GSDMC: variants seen among roughly 807,000 people sequenced by gnomAD.
GSDMC encodes gasdermin-C.
Under a neutral mutation model 58.0 loss-of-function variants are expected in GSDMC, and 59 were observed. The ratio of observed to expected loss-of-function variants is 1.02; its 90% confidence interval spans 0.82 to 1.26. GSDMC has a LOEUF of 1.26. GSDMC is among the 50% of genes most tolerant of loss of function. The pLI is 0.00. For missense variants in GSDMC, 659 were observed against 598.5 expected (o/e 1.10, Z -1.06); for synonymous variants, 241 against 220.2 (o/e 1.09, Z -0.83).
chr8:129,711,819 T>G, the GSDMC span, among the ~76,000 whole-genome samples: 1 of 152,230 alleles, frequency 6.6e-6, no homozygotes, highest in Non-Finnish European at 1.5e-5. Flanking sequence ...TTAACCTCAT[T>G]TTATGAATGA....
chr8:129,781,248 T>TA (rs1174005886), intron 1 of GSDMC, among the ~76,000 whole-genome samples: 1 of 151,896 alleles, frequency 6.6e-6, no homozygotes, highest in Admixed American at 6.6e-5. Context: ...TTGAATTAAT[T>TA]AAAAAAACAA....
intron 4 of GSDMC, 119 bp downstream of exon 4, chr8:129,765,509 G>A (rs2033822967): frequency 4.0e-6 from 3 of 748,752 alleles, no homozygotes; most frequent in Non-Finnish European, 7.1e-6. Flanking sequence ...GGGAAATAAT[G>A]ACTCCATCCC....
chr8:129,758,527 A>C (rs1384635905), intron 6 of GSDMC, among the ~76,000 whole-genome samples: 1 of 152,234 alleles, frequency 6.6e-6, no homozygotes, highest in East Asian at 1.9e-4. Context: ...AAGTTGAGGA[A>C]TATAAATTCA....
the GSDMC span, among the ~76,000 whole-genome samples, chr8:129,731,346 G>C: frequency 6.6e-6 from 1 of 152,208 alleles, no homozygotes; most frequent in East Asian, 1.9e-4. Flanking sequence ...GCAGCTAGTG[G>C]ATCAGGTCTT....
chr8:129,737,834 C>A, the GSDMC span, among the ~76,000 whole-genome samples: 1 of 152,162 alleles, frequency 6.6e-6, no homozygotes, highest in South Asian at 2.1e-4. Context: ...AACCAAAGAG[C>A]TTCTGCACAG....
the GSDMC span, among the ~76,000 whole-genome samples, chr8:129,709,689 C>A: frequency 3.2e-4 from 49 of 152,256 alleles, no homozygotes; most frequent in African/African-American, 1.2e-3. Context: ...CCTGCCAAGG[C>A]TCTCTGCATT....
the GSDMC span, among the ~76,000 whole-genome samples, chr8:129,708,757 A>C: frequency 6.6e-6 from 1 of 152,250 alleles, no homozygotes; most frequent in Non-Finnish European, 1.5e-5. Context: ...TCCTTAACTA[A>C]CAGCAAACAA....
chr8:129,745,946 T>C (rs919908064), downstream of GSDMC, among the ~76,000 whole-genome samples: 1 of 151,666 alleles, frequency 6.6e-6, no homozygotes, highest in Non-Finnish European at 1.5e-5. Flanking sequence ...TTTCAATCCA[T>C]AGTTTGCAGA....
the GSDMC span, among the ~76,000 whole-genome samples, chr8:129,722,405 T>C: frequency 6.6e-6 from 1 of 152,212 alleles, no homozygotes; most frequent in Non-Finnish European, 1.5e-5. Flanking sequence ...ACAAGTCTGT[T>C]ACATAAGAAT....
chr8:129,710,008 A>G, the GSDMC span, among the ~76,000 whole-genome samples: 1 of 152,252 alleles, frequency 6.6e-6, no homozygotes, highest in African/African-American at 2.4e-5. Flanking sequence ...TCTGGGTACC[A>G]GCATTTAGCA....
chr8:129,710,267 T>A, the GSDMC span, among the ~76,000 whole-genome samples: 3 of 152,210 alleles, frequency 2.0e-5, no homozygotes, highest in African/African-American at 7.2e-5. Flanking sequence ...TTTTGATGAA[T>A]GAATGAATTA....
chr8:129,718,799 T>C, the GSDMC span, among the ~76,000 whole-genome samples: 29 of 152,262 alleles, frequency 1.9e-4, no homozygotes, highest in South Asian at 5.8e-3. Context: ...CCATCAACGA[T>C]AGACTGGATA....
chr8:129,777,924 A>T (rs1486802879), intron 1 of GSDMC, among the ~76,000 whole-genome samples: 2 of 152,114 alleles, frequency 1.3e-5, no homozygotes, highest in Non-Finnish European at 2.9e-5. Context: ...GGCTTCTGAC[A>T]GGCACTGCTG....
chr8:129,777,588 G>T lies in GSDMC; in HGVS notation c.-1C>A. ...TAATGCGTTCCAACATGGAGGGCAT[G>T]TTGCTAGGAGGAGATGAAAGGAGAG... is the stretch of plus-strand genomic sequence containing the variant. On this transcript the variant is annotated 5_prime_UTR_variant, in exon 2 of 14. Coordinates refer to ENST00000276708, the MANE Select transcript of GSDMC (RefSeq NM_031415.3). 1 of 1,548,308 alleles carries T rather than the reference G, an allele frequency of 6.5e-7. No homozygotes were observed. The highest frequency in any genetic ancestry group is 8.9e-7 in the Non-Finnish European group (1 of 1,124,302).
In GSDMC at chr8:129,748,547, G is replaced by A. The variant is rs760686608; in HGVS notation, c.1481C>T (p.Ala494Val). The change falls in exon 14 of 14, where the codon GCC becomes GTC. Residue 494 changes from alanine to valine, a missense_variant. Physicochemically the swap from Ala to Val is moderately conservative, Grantham distance 64. Coordinates refer to ENST00000276708, the MANE Select transcript of GSDMC (RefSeq NM_031415.3). Reference sequence around the variant, plus strand: ...CAGCAACGAGAGAGTCCCATAGAGGGCAGACAGGGGCATCTTTGCTTCTAC... The same window carrying A: ...CAGCAACGAGAGAGTCCCATAGAGGACAGACAGGGGCATCTTTGCTTCTAC... ...WDVEAKMPLSALYGTLSLLQQ... is the reference protein window; with the variant it reads ...WDVEAKMPLSVLYGTLSLLQQ... 2 of 1,613,278 alleles carry A rather than the reference G, an allele frequency of 1.2e-6. No homozygotes were observed. The highest frequency in any genetic ancestry group is 1.7e-6 in the Non-Finnish European group (2 of 1,179,614).
the GSDMC span, among the ~76,000 whole-genome samples, chr8:129,739,251 G>A: frequency 1.3e-5 from 2 of 152,144 alleles, no homozygotes; most frequent in Non-Finnish European, 1.5e-5. Flanking sequence ...ATGCCATGTG[G>A]CTGGAGGGAG....
rs1231459202 is a variant in GSDMC at position 129,750,579 on chromosome 8, A to G, written c.944-9T>C. 1 of 1,613,280 alleles carries G rather than the reference A, an allele frequency of 6.2e-7. No individual in the cohort carries two copies. Among genetic ancestry groups the G allele is most frequent in the Non-Finnish European group, 8.5e-7 (1 of 1,179,528 alleles). The stretch of plus-strand genomic sequence containing the variant: ...TTGTAGATGCTTGAAATCTGCTCTC[A>G]GGCATCAACGCCGACCAGAAAGTGG... On this transcript the variant is annotated splice_polypyrimidine_tract_variant and intron_variant, in intron 10 of 13. Transcript: ENST00000276708.
the GSDMC span, among the ~76,000 whole-genome samples, chr8:129,717,796 C>T: frequency 5.9e-5 from 9 of 152,142 alleles, no homozygotes; most frequent in Admixed American, 3.9e-4. Context: ...GTAACCAAAA[C>T]AGTATAGTAC....
intron 6 of GSDMC, among the ~76,000 whole-genome samples, chr8:129,753,680 C>T (rs2033314170): frequency 6.6e-6 from 1 of 152,200 alleles, no homozygotes; most frequent in Non-Finnish European, 1.5e-5. Context: ...TGGTGTAGTG[C>T]ACCAAGCAGG....
Sources: gnomAD v4.1 joint callset for allele counts (sites outside exome capture counted in the v4.1 genomes callset) on GRCh38, gnomAD v4.1.1 for gene constraint, MANE v1.5 for transcripts, NCBI Gene and HGNC (gene_info 2026-07-23, HGNC 2026-07-21) for gene names.